Variants in CNTNAP2 observed in about 807,000 individuals in gnomAD.
CNTNAP2 encodes the protein contactin-associated protein-like 2.
Under a neutral mutation model 155.2 loss-of-function variants are expected in CNTNAP2, and 98 were observed. The ratio of observed to expected loss-of-function variants is 0.63; its 90% CI spans 0.54 to 0.75. The LOEUF is 0.75. CNTNAP2 is among the 30% of genes least tolerant of loss of function. The pLI is 0.00. For synonymous variants in CNTNAP2, 651 were observed against 631.2 expected, an observed-to-expected ratio of 1.03 and a Z score of -0.47; for missense variants, 1,727 against 1,688.1, an observed-to-expected ratio of 1.02 and a Z score of -0.40.
At chr7:146,300,678 C>T (rs1800592026) in intron 1 of CNTNAP2, among the ~76,000 whole-genome samples, 1 of 151,966 alleles carries the variant, frequency 6.6e-6, no homozygotes, top group Non-Finnish European at 1.5e-5. Context: ...TTATTTAAAA[C>T]TCATACTCAC....
intron 5 of CNTNAP2, among the ~76,000 whole-genome samples, chr7:147,112,781 G>T (rs1800907598): frequency 1.3e-5 from 2 of 152,066 alleles, no homozygotes; most frequent in African/African-American, 4.8e-5. Flanking sequence ...CCATAACTTT[G>T]TTAAGCATTT....
At chr7:147,753,897 T>A (rs139032021) in intron 13 of CNTNAP2, among the ~76,000 whole-genome samples, 18 of 152,218 alleles carry the variant, frequency 1.2e-4, no homozygotes, top group Admixed American at 3.3e-4. Context: ...TTAATATATA[T>A]TCAAAAAACA....
intron 15 of CNTNAP2, among the ~76,000 whole-genome samples, chr7:148,067,176 T>G (rs2116522659): frequency 6.6e-6 from 1 of 152,312 alleles, no homozygotes; most frequent in East Asian, 1.9e-4. Flanking sequence ...TAAAGAAACT[T>G]GCTTTGTCAT....
chr7:147,866,620 G>A (rs114244954), intron 13 of CNTNAP2, among the ~76,000 whole-genome samples: 2,763 of 152,104 alleles, frequency 0.018, 66 homozygotes, highest in African/African-American at 0.056. Context: ...GGTTGGGTGC[G>A]TATATATTTC....
chr7:146,269,031 G>A (rs1800038314), intron 1 of CNTNAP2, among the ~76,000 whole-genome samples: 1 of 152,136 alleles, frequency 6.6e-6, no homozygotes, highest in South Asian at 2.1e-4. Context: ...GTTCACAAAA[G>A]AGTGCCATAC....
chr7:148,229,884 G>T, intron 20 of CNTNAP2, 105 bp downstream of exon 20: 1 of 1,342,456 alleles, frequency 7.4e-7, no homozygotes, highest in Non-Finnish European at 1.0e-6. Flanking sequence ...AAGTAGAAGA[G>T]ATGCTTTTTA....
chr7:148,272,104 T>G (rs988464181), intron 21 of CNTNAP2, among the ~76,000 whole-genome samples: 2 of 152,160 alleles, frequency 1.3e-5, no homozygotes, highest in African/African-American at 4.8e-5. Flanking sequence ...AGGACAAGTG[T>G]GATCTTTATA....
chr7:147,253,093 G>A (rs1209858320), intron 8 of CNTNAP2, among the ~76,000 whole-genome samples: 1 of 152,198 alleles, frequency 6.6e-6, no homozygotes, highest in East Asian at 1.9e-4. Flanking sequence ...CAGTGGGAGA[G>A]AATAACATGC....
At chr7:146,294,081 C>G (rs553157595) in intron 1 of CNTNAP2, among the ~76,000 whole-genome samples, 2 of 152,304 alleles carry the variant, frequency 1.3e-5, no homozygotes, top group Non-Finnish European at 2.9e-5. Flanking sequence ...TCCATACTTT[C>G]TGGACTGGGC....
chr7:146,722,203 A>G (rs1292264409), intron 1 of CNTNAP2, among the ~76,000 whole-genome samples: 1 of 151,838 alleles, frequency 6.6e-6, no homozygotes, highest in Non-Finnish European at 1.5e-5. Context: ...CTGTGTAAAC[A>G]TATTAAACGA....
chr7:147,960,291 C>G (rs1801093374), intron 14 of CNTNAP2, among the ~76,000 whole-genome samples: 1 of 152,114 alleles, frequency 6.6e-6, no homozygotes, highest in Admixed American at 6.6e-5. Flanking sequence ...GCATCTGTAA[C>G]TGATGAGTGA....
chr7:147,092,032 C>A (rs1800418150), intron 4 of CNTNAP2, among the ~76,000 whole-genome samples: 1 of 152,168 alleles, frequency 6.6e-6, no homozygotes, highest in Admixed American at 6.5e-5. Flanking sequence ...AGCCACCACT[C>A]CTGGCCAACC....
At chr7:146,962,269 CTGTAGAGCTG>C (rs112387238) in intron 3 of CNTNAP2, among the ~76,000 whole-genome samples, 4 of 152,136 alleles carry the variant, frequency 2.6e-5, no homozygotes, top group African/African-American at 9.7e-5. Flanking sequence ...GAATGAGCAA[CTGTAGAGCTG>C]TGTTTTGTGC....
intron 14 of CNTNAP2, among the ~76,000 whole-genome samples, chr7:147,966,418 CAATG>C (rs1801211208): frequency 1.3e-5 from 2 of 151,820 alleles, no homozygotes; most frequent in African/African-American, 4.8e-5. Flanking sequence ...TCTATGGAAA[CAATG>C]AAGGAATGTA....
intron 1 of CNTNAP2, among the ~76,000 whole-genome samples, chr7:146,727,533 C>G (rs1468444454): frequency 6.6e-6 from 1 of 152,156 alleles, no homozygotes. Context: ...AACACCAGCA[C>G]TTACCCACAC....
At chr7:147,184,870 T>A (rs1802532069) in intron 8 of CNTNAP2, among the ~76,000 whole-genome samples, 1 of 152,128 alleles carries the variant, frequency 6.6e-6, no homozygotes, top group South Asian at 2.1e-4. Context: ...ACAATGGAAA[T>A]GTAAAATGCT....
At chr7:146,780,036 A>G (rs1195552618) in intron 2 of CNTNAP2, among the ~76,000 whole-genome samples, 1 of 152,182 alleles carries the variant, frequency 6.6e-6, no homozygotes, top group Non-Finnish European at 1.5e-5. Flanking sequence ...TGTACCCAGT[A>G]ATGGGATTGC....
chr7:146,173,007 C>T (rs953230043), intron 1 of CNTNAP2, among the ~76,000 whole-genome samples: 1 of 151,800 alleles, frequency 6.6e-6, no homozygotes, highest in Admixed American at 6.6e-5. Context: ...TGTTTTGTTT[C>T]GTTTTAATCC....
intron 4 of CNTNAP2, among the ~76,000 whole-genome samples, chr7:147,080,267 A>G (rs948730537): frequency 6.6e-6 from 1 of 152,188 alleles, no homozygotes; most frequent in East Asian, 1.9e-4. Context: ...TCCCACTGTG[A>G]AAACATGGGA....
Sources: gnomAD v4.1 joint callset for allele counts (sites outside exome capture counted in the v4.1 genomes callset) on GRCh38, gnomAD v4.1.1 for gene constraint, MANE v1.5 for transcripts, NCBI Gene and HGNC (gene_info 2026-07-23, HGNC 2026-07-21) for gene names.